The following HEMK2 variants were observed in gnomAD, a reference collection of about 807,000 sequenced individuals.
The protein encoded by HEMK2 is methyltransferase HEMK2.
chr21:28,679,594 T>C, the HEMK2 span, among the ~76,000 whole-genome samples: 14 of 152,140 alleles, frequency 9.2e-5, no homozygotes, highest in African/African-American at 3.1e-4. Context: ...CAACAGAATA[T>C]ACATTCTTCT....
the HEMK2 span, among the ~76,000 whole-genome samples, chr21:28,805,339 G>T: frequency 5.9e-5 from 9 of 152,114 alleles, no homozygotes; most frequent in Non-Finnish European, 1.3e-4. Flanking sequence ...ATCCAGCACT[G>T]TATAGGCTCT....
chr21:28,702,052 A>C, the HEMK2 span, among the ~76,000 whole-genome samples: 1 of 152,108 alleles, frequency 6.6e-6, no homozygotes, highest in African/African-American at 2.4e-5. Flanking sequence ...TCTGATCTTC[A>C]ACAAAGTCAC....
the HEMK2 span, among the ~76,000 whole-genome samples, chr21:28,647,321 T>TAAAAAAAAAAAA: frequency 4.3e-5 from 2 of 46,418 alleles, no homozygotes; most frequent in Non-Finnish European, 7.7e-5. Flanking sequence ...CCATCTCTAC[T>TAAAAAAAAAAAA]AAAAAAAAAA....
the HEMK2 span, among the ~76,000 whole-genome samples, chr21:28,619,418 A>C: frequency 6.6e-6 from 1 of 152,200 alleles, no homozygotes; most frequent in African/African-American, 2.4e-5. Context: ...TAACAAATTA[A>C]AGCCAAAGCA....
chr21:28,719,262 A>C, the HEMK2 span, among the ~76,000 whole-genome samples: 3 of 152,160 alleles, frequency 2.0e-5, no homozygotes. Flanking sequence ...GACTCTGCCC[A>C]ACTGATATCT....
At chr21:28,778,604 A>G in the HEMK2 span, among the ~76,000 whole-genome samples, 1 of 152,194 alleles carries the variant, frequency 6.6e-6, no homozygotes. Flanking sequence ...TTTCATTACC[A>G]TATTTTAGCC....
At chr21:28,855,186 T>TA in the HEMK2 span, among the ~76,000 whole-genome samples, 354 of 144,188 alleles carry the variant, frequency 2.5e-3, 1 homozygote, top group African/African-American at 7.5e-3. Flanking sequence ...AAGCAAACAG[T>TA]AAAAAAAAAA....
At chr21:28,854,137 G>A in the HEMK2 span, among the ~76,000 whole-genome samples, 4 of 152,246 alleles carry the variant, frequency 2.6e-5, no homozygotes, top group South Asian at 2.1e-4. Flanking sequence ...CCAAACTTAG[G>A]AGCAACCAAC....
the HEMK2 span, among the ~76,000 whole-genome samples, chr21:28,794,419 C>A: frequency 6.6e-6 from 1 of 152,138 alleles, no homozygotes; most frequent in African/African-American, 2.4e-5. Flanking sequence ...CCAGTTGGGA[C>A]AGCACAGTCA....
chr21:28,601,604 A>ATATC, the HEMK2 span, among the ~76,000 whole-genome samples: 1 of 126,698 alleles, frequency 7.9e-6, no homozygotes, highest in Non-Finnish European at 1.6e-5. Context: ...ACCTTCTGAC[A>ATATC]TCTCTCTCTC....
At chr21:28,677,623 G>T in the HEMK2 span, among the ~76,000 whole-genome samples, 1 of 152,216 alleles carries the variant, frequency 6.6e-6, no homozygotes. Context: ...TGACCCCCGA[G>T]TAGCCTAACT....
chr21:28,650,655 T>C, the HEMK2 span, among the ~76,000 whole-genome samples: 1 of 152,162 alleles, frequency 6.6e-6, no homozygotes, highest in Non-Finnish European at 1.5e-5. Flanking sequence ...GGTGAGGTTG[T>C]ACCTGGAGGT....
At chr21:28,621,328 T>C in the HEMK2 span, among the ~76,000 whole-genome samples, 1 of 152,242 alleles carries the variant, frequency 6.6e-6, no homozygotes, top group Non-Finnish European at 1.5e-5. Flanking sequence ...ATTTACCCAG[T>C]AGTCATCCAG....
chr21:28,764,274 T>C, the HEMK2 span, among the ~76,000 whole-genome samples: 35 of 152,208 alleles, frequency 2.3e-4, no homozygotes, highest in Admixed American at 5.9e-4. Context: ...ACAAACTGTA[T>C]CTGCAAGTTG....
chr21:28,752,218 C>T, the HEMK2 span, among the ~76,000 whole-genome samples: 3 of 152,116 alleles, frequency 2.0e-5, no homozygotes, highest in African/African-American at 4.8e-5. Context: ...TCCAATCTTA[C>T]AGAGCTAAAC....
At chr21:28,688,570 T>A in the HEMK2 span, among the ~76,000 whole-genome samples, 1 of 151,848 alleles carries the variant, frequency 6.6e-6, no homozygotes, top group Non-Finnish European at 1.5e-5. Flanking sequence ...GGATCTAGGA[T>A]GACACATACT....
At chr21:28,743,999 G>A in the HEMK2 span, among the ~76,000 whole-genome samples, 83,590 of 151,956 alleles carry the variant, frequency 0.55, 26,142 homozygotes, top group African/African-American at 0.85. Context: ...AAAACCAAAT[G>A]CCACATGTTC....
the HEMK2 span, among the ~76,000 whole-genome samples, chr21:28,813,605 G>A: frequency 6.6e-6 from 1 of 152,064 alleles, no homozygotes; most frequent in Non-Finnish European, 1.5e-5. Flanking sequence ...AACCAAAAAA[G>A]AGCCCATATA....
At chr21:28,615,729 G>A in the HEMK2 span, among the ~76,000 whole-genome samples, 2 of 152,094 alleles carry the variant, frequency 1.3e-5, no homozygotes, top group South Asian at 4.1e-4. Flanking sequence ...CAGTCCATAT[G>A]GTATGGAATG....
Sources: gnomAD v4.1 joint callset for allele counts (sites outside exome capture counted in the v4.1 genomes callset) on GRCh38, gnomAD v4.1.1 for gene constraint, MANE v1.5 for transcripts, NCBI Gene and HGNC (gene_info 2026-07-23, HGNC 2026-07-21) for gene names.